SERGEF: variants seen among roughly 807,000 people sequenced by gnomAD.
The protein encoded by SERGEF is secretion regulating guanine nucleotide exchange factor.
SERGEF carries 51 observed loss-of-function variants against 50.0 expected under a neutral mutation model. The observed-to-expected ratio is 1.02, with a 90% confidence interval of 0.81 to 1.29. SERGEF has a LOEUF of 1.29. SERGEF is among the 50% of genes most tolerant of loss of function. The pLI, the probability that SERGEF is intolerant of heterozygous loss-of-function variation, is 0.00. For synonymous variants in SERGEF, 205 were observed against 212.4 expected (o/e 0.97, Z 0.30); for missense variants, 521 against 557.0 (o/e 0.94, Z 0.65).
intron 10 of SERGEF, among the ~76,000 whole-genome samples, chr11:17,869,083 C>T (rs1851086091): frequency 6.6e-6 from 1 of 152,144 alleles, no homozygotes; most frequent in African/African-American, 2.4e-5. Flanking sequence ...GCGACTGACC[C>T]TGGCCACGTA....
intron 10 of SERGEF, among the ~76,000 whole-genome samples, chr11:17,825,610 C>T (rs1185600923): frequency 1.3e-5 from 2 of 152,176 alleles, no homozygotes; most frequent in Non-Finnish European, 2.9e-5. Flanking sequence ...AGTTCATTAG[C>T]TCTTAGATAC....
intron 10 of SERGEF, among the ~76,000 whole-genome samples, chr11:17,793,922 G>C (rs187726181): frequency 1.1e-4 from 17 of 152,350 alleles, no homozygotes; most frequent in Admixed American, 6.5e-4. Context: ...AGGACTGGCA[G>C]GGTCCCTGGC....
At chr11:17,943,167 A>G (rs927210760) in intron 9 of SERGEF, among the ~76,000 whole-genome samples, 20 of 152,114 alleles carry the variant, frequency 1.3e-4, no homozygotes, top group South Asian at 6.2e-4. Flanking sequence ...CCTTACTTAA[A>G]TATCTGATAA....
At position 17,993,010 on chromosome 11, in the gene SERGEF, G is replaced by C. The variant is rs1470577497; in HGVS notation, c.623-17C>G. ...TCTCTAGACCTACAAAAGAAAAAATGTTCTTCTGAATTACATTTATAACAG... is the reference window on the plus strand; with the variant it reads ...TCTCTAGACCTACAAAAGAAAAAATCTTCTTCTGAATTACATTTATAACAG... On this transcript the variant is annotated splice_polypyrimidine_tract_variant and intron_variant, in intron 6 of 10. Transcript: ENST00000265965. 3 of 1,610,270 alleles carry C rather than the reference G, an allele frequency of 1.9e-6. No individual in the cohort carries two copies. Among genetic ancestry groups the C allele is most frequent in the Non-Finnish European group, 2.5e-6 (3 of 1,176,762 alleles).
chr11:17,837,668 T>C (rs918051960), intron 10 of SERGEF, among the ~76,000 whole-genome samples: 2 of 149,970 alleles, frequency 1.3e-5, no homozygotes, highest in Non-Finnish European at 3.0e-5. Flanking sequence ...TCTTTTTTTT[T>C]TTTTTTTTGA....
intron 9 of SERGEF, among the ~76,000 whole-genome samples, chr11:17,959,111 C>T (rs531120523): frequency 1.8e-3 from 275 of 152,250 alleles, no homozygotes; most frequent in African/African-American, 6.3e-3. Context: ...TCAGGCAGTT[C>T]GCCCACCTCG....
At chr11:17,846,961 C>A (rs1000087127) in intron 10 of SERGEF, among the ~76,000 whole-genome samples, 1 of 152,138 alleles carries the variant, frequency 6.6e-6, no homozygotes, top group African/African-American at 2.4e-5. Flanking sequence ...TGTATTACCC[C>A]CTAGTGGCTC....
At chr11:17,961,291 C>T (rs557781839) in intron 8 of SERGEF, among the ~76,000 whole-genome samples, 119 of 152,136 alleles carry the variant, frequency 7.8e-4, no homozygotes, top group Non-Finnish European at 1.3e-3. Flanking sequence ...CAAGATTAGC[C>T]TCTTAAAAAC....
chr11:17,918,557 T>C lies in SERGEF; in HGVS notation c.1012-40313A>G, dbSNP rs1224953030. 1.8e-5 allele frequency: 5 copies of C among 277,958 alleles called. No individual in the cohort carries two copies. The East Asian group carries it at 5.5e-4, about 30-fold the overall frequency. The allele number at this position is 277,958 out of a possible 1,614,324, so 17.2% of individuals were successfully genotyped here. A position where few individuals can be genotyped will look rare whatever the true frequency, so the allele number is the denominator to read the frequency against. The stretch of plus-strand genomic sequence containing the variant: ...CCTATGGAAAAGGTGCTGTGCCAGG[T>C]GCTGTAGGTGAAAATGTCCCCATGA... On this transcript the variant is annotated intron_variant, in intron 9 of 10. Transcript: ENST00000265965.
In SERGEF at chr11:17,988,690, G is replaced by T. The variant is rs1302892814; in HGVS notation, c.751C>A (p.Leu251Ile). The stretch of plus-strand genomic sequence containing the variant: ...GCTTCTATTTTCTGGGGCACAGGAA[G>T]GAAAGCAGCCTCATTAGCCAGTTGC... Reference protein sequence around the residue: ...HGQLANEAAFLPVPQKIEAHC... With the variant: ...HGQLANEAAFIPVPQKIEAHC... Residue 251 changes from leucine to isoleucine, a missense_variant, in exon 8 of 11, where the codon CTT (leucine) becomes ATT (isoleucine). By Grantham distance (5) the Leu-to-Ile change is conservative. Transcript: ENST00000265965. 6.2e-7 allele frequency: 1 copy of T among 1,613,998 alleles called. No homozygotes were observed. Among genetic ancestry groups the T allele is most frequent in the South Asian group, 1.1e-5 (1 of 91,086 alleles).
chr11:17,877,621 T>G (rs1851261787), intron 10 of SERGEF, among the ~76,000 whole-genome samples: 1 of 152,222 alleles, frequency 6.6e-6, no homozygotes, highest in African/African-American at 2.4e-5. Flanking sequence ...AGATGGAAAC[T>G]GAGTCTACCT....
chr11:17,930,042 T>C (rs865797406), intron 9 of SERGEF, among the ~76,000 whole-genome samples: 11 of 152,176 alleles, frequency 7.2e-5, no homozygotes, highest in African/African-American at 2.2e-4. Context: ...CTGAGAGATA[T>C]AGCGGAATAA....
At chr11:17,911,907 AG>A (rs1851961909) in intron 9 of SERGEF, among the ~76,000 whole-genome samples, 1 of 152,194 alleles carries the variant, frequency 6.6e-6, no homozygotes, top group Non-Finnish European at 1.5e-5. Context: ...AGGGAAGTCA[AG>A]TGGAGGTAGC....
intron 1 of SERGEF, chr11:18,010,247 G>A: frequency 2.7e-6 from 1 of 376,360 alleles, no homozygotes; most frequent in Non-Finnish European, 4.5e-6. Flanking sequence ...CAGCCATCCT[G>A]GGCTGCAAGG....
At chr11:17,788,476 C>G (rs1849426065) in intron 10 of SERGEF, 63 bp from the exon 11 acceptor site, 1 of 1,388,920 alleles carries the variant, frequency 7.2e-7, no homozygotes, top group Non-Finnish European at 9.9e-7. Context: ...AAACATTCAC[C>G]CTGAGGGTAC....
intron 9 of SERGEF, among the ~76,000 whole-genome samples, chr11:17,914,585 A>C (rs1437577915): frequency 1.3e-5 from 2 of 152,052 alleles, no homozygotes; most frequent in South Asian, 2.1e-4. Context: ...CCCTCAGCTA[A>C]GTATTTTATT....
At chr11:17,955,208 T>C (rs1000942817) in intron 9 of SERGEF, among the ~76,000 whole-genome samples, 7 of 152,254 alleles carry the variant, frequency 4.6e-5, no homozygotes, top group African/African-American at 1.7e-4. Context: ...TTTTTGTTAG[T>C]GTCTTCAGAA....
At chr11:18,008,355 CA>C (rs1854126515) in intron 1 of SERGEF, among the ~76,000 whole-genome samples, 1 of 152,194 alleles carries the variant, frequency 6.6e-6, no homozygotes, top group African/African-American at 2.4e-5. Flanking sequence ...GACTCATGAC[CA>C]TAACAGTGGA....
chr11:17,878,293 T>C (rs1222474789), intron 9 of SERGEF, 49 bp from the exon 10 acceptor site: 1 of 1,399,672 alleles, frequency 7.1e-7, no homozygotes, highest in South Asian at 1.3e-5. Flanking sequence ...TTTCAGCCAG[T>C]ATATTTTATA....
Sources: allele counts gnomAD v4.1 joint callset (sites outside exome capture counted in the v4.1 genomes callset), GRCh38; gene constraint gnomAD v4.1.1; transcripts MANE v1.5; gene names NCBI Gene and HGNC (gene_info 2026-07-23, HGNC 2026-07-21).